Variants in ANKAR observed in about 807,000 individuals in gnomAD.
ANKAR encodes the protein ankyrin and armadillo repeat containing.
Under a neutral mutation model 146.2 loss-of-function variants are expected in ANKAR, and 136 were observed. The observed-to-expected ratio is 0.93, with a 90% CI of 0.81 to 1.07. ANKAR has a LOEUF of 1.07. ANKAR is among the 50% of genes least tolerant of loss of function. The pLI is 0.00. For synonymous variants in ANKAR, 500 were observed against 575.8 expected, an observed-to-expected ratio of 0.87 and a Z score of 1.88; for missense variants, 1,567 against 1,679.9, an observed-to-expected ratio of 0.93 and a Z score of 1.18.
In ANKAR at chr2:189,722,338, C is replaced by CAAA. The variant is rs10687526; in HGVS notation, c.2635+1560_2635+1562dup. On this transcript the variant is annotated intron_variant, in intron 12 of 22. Transcript: ENST00000684021. Reference sequence around the variant, plus strand: ...TGGGCAACAGAGCGAGACTCCATCTCAAAAAAAAAAAGGAAAAAAGAATAG... The same window carrying CAAA: ...TGGGCAACAGAGCGAGACTCCATCTCAAAAAAAAAAAAAAGGAAAAAAGAATAG... 1.9e-4 allele frequency among the ~76,000 whole-genome samples: 24 copies of CAAA among 128,428 alleles called. 5 individuals carry two copies. The highest frequency in any genetic ancestry group is 3.2e-4 in the Admixed American group (4 of 12,368). The allele number at this position is 128,428 out of a possible 152,430, so 84.3% of individuals were successfully genotyped here.
At chr2:189,690,159 C>T (rs1442995818) in intron 3 of ANKAR, among the ~76,000 whole-genome samples, 195 bp downstream of exon 3, 1 of 151,900 alleles carries the variant, frequency 6.6e-6, no homozygotes, top group East Asian at 1.9e-4. Flanking sequence ...TATATTTATA[C>T]CAATTATAAG....
At chr2:189,729,751 C>CT (rs1299771697) in intron 15 of ANKAR, among the ~76,000 whole-genome samples, 4 of 61,254 alleles carry the variant, frequency 6.5e-5, no homozygotes, top group African/African-American at 1.5e-4. Context: ...CAAAGGTGTT[C>CT]TTTTTTCCTT....
intron 9 of ANKAR, 119 bp from the exon 10 acceptor site, chr2:189,710,930 G>T: frequency 1.4e-6 from 1 of 729,192 alleles, no homozygotes; most frequent in Non-Finnish European, 2.4e-6. Flanking sequence ...CATGCAGTTG[G>T]TGGTAATAGT....
intron 2 of ANKAR, among the ~76,000 whole-genome samples, chr2:189,682,338 C>A (rs2034839541): frequency 6.6e-6 from 1 of 152,064 alleles, no homozygotes; most frequent in African/African-American, 2.4e-5. Flanking sequence ...AGCATTACAC[C>A]TAGTAGAAAT....
Position 189,757,410 on chromosome 2 carries a change from G to A in ANKAR, c.*585-3688G>A, listed in dbSNP as rs539094604. 3.9e-5 allele frequency among the ~76,000 whole-genome samples: 6 copies of A among 152,284 alleles called. No homozygotes were observed. The East Asian group carries it at 9.6e-4, about 24-fold the overall frequency. On this transcript the variant is annotated intron_variant and NMD_transcript_variant, in intron 18 of 18. Transcript: ENST00000441800. ...GCTGTTTCACAATGATCTGCTTACT[G>A]TCTTCTTCATTTTTACTGATGGTAG...
downstream of ANKAR, chr2:189,746,748 G>A (rs80306810): frequency 2.6e-3 from 2,559 of 973,056 alleles, 53 homozygotes; most frequent in African/African-American, 0.039. Flanking sequence ...TCTTGATCTC[G>A]ATACTAAGCA....
At chr2:189,708,259 C>T (rs1464355322) in intron 9 of ANKAR, among the ~76,000 whole-genome samples, 1 of 152,152 alleles carries the variant, frequency 6.6e-6, no homozygotes, top group Non-Finnish European at 1.5e-5. Context: ...CAGTACAGTA[C>T]AAAAAGATAT....
chr2:189,730,631 G>T, intron 16 of ANKAR, 30 bp downstream of exon 16: 1 of 1,189,686 alleles, frequency 8.4e-7, no homozygotes. Context: ...TTTCTGATAT[G>T]GTAAAAATTA....
At chr2:189,675,117 A>G (rs2033322188) in intron 1 of ANKAR, among the ~76,000 whole-genome samples, 1 of 152,136 alleles carries the variant, frequency 6.6e-6, no homozygotes, top group South Asian at 2.1e-4. Flanking sequence ...TGGCCCCACT[A>G]CAGCTCATTG....
At chr2:189,748,018 A>G (rs576919927), downstream of ANKAR, among the ~76,000 whole-genome samples, 4 of 152,066 alleles carry the variant, frequency 2.6e-5, no homozygotes, top group Non-Finnish European at 5.9e-5. Flanking sequence ...CCTTTTCTCC[A>G]TCCACTTGCT....
At chr2:189,681,525 G>A (rs1452010147) in intron 2 of ANKAR, among the ~76,000 whole-genome samples, 1 of 152,164 alleles carries the variant, frequency 6.6e-6, no homozygotes, top group Non-Finnish European at 1.5e-5. Context: ...AGTTGTAGGT[G>A]GAAACAGAGA....
intron 11 of ANKAR, among the ~76,000 whole-genome samples, chr2:189,720,146 T>G (rs938716624): frequency 1.3e-5 from 2 of 152,236 alleles, no homozygotes; most frequent in African/African-American, 4.8e-5. Context: ...GATAGCTATA[T>G]TAACTGTCAC....
In ANKAR at chr2:189,743,471, T is replaced by G. The variant is rs1358044406; in HGVS notation, c.4007T>G (p.Leu1336Ter). The G allele has an allele frequency of 6.2e-7, 1 of 1,612,350 alleles. No individual in the cohort carries two copies. Among genetic ancestry groups the G allele is most frequent in the Non-Finnish European group, 8.5e-7 (1 of 1,178,950 alleles). ...MQQTLVGLPS[L>*]SLEKNGGPSI... Reference sequence around the variant, plus strand: ...CAAACACTGGTGGGACTTCCTTCCTTAAGGTATGGTCCTATGTTAGAAGTT... The same window carrying G: ...CAAACACTGGTGGGACTTCCTTCCTGAAGGTATGGTCCTATGTTAGAAGTT... Residue 1336 changes from leucine (L) to a stop codon, truncating the protein, a stop_gained, in exon 21 of 23, where the codon TTA (leucine) becomes TGA (stop). Transcript: ENST00000684021. LOFTEE classifies it high-confidence loss of function.
chr2:189,746,383 A>C lies in ANKAR; in HGVS notation c.4061A>C (p.Lys1354Thr), dbSNP rs906005920. ...TTTAATTGTGGCTAATTTTTAGGGAAGGAGCACCGAAGAAAATTAAAACCT... is the reference window on the plus strand; with the variant it reads ...TTTAATTGTGGCTAATTTTTAGGGACGGAGCACCGAAGAAAATTAAAACCT... ...PSIIPIFKRG[K>T]EHRRKLKPKI... Residue 1354 changes from lysine (K) to threonine (T), a missense_variant, in exon 23 of 23, where the codon AAG becomes ACG. Transcript: ENST00000684021. The C allele has an allele frequency of 1.9e-6, 3 of 1,602,374 alleles. No individual in the cohort carries two copies. The highest frequency in any genetic ancestry group is 2.5e-6 in the Non-Finnish European group (3 of 1,176,732).
At chr2:189,706,076 G>T (rs2038899525) in intron 8 of ANKAR, among the ~76,000 whole-genome samples, 1 of 151,524 alleles carries the variant, frequency 6.6e-6, no homozygotes, top group Non-Finnish European at 1.5e-5. Context: ...GGCAACTCCT[G>T]CTTTCACCAT....
rs189776040 is a variant in ANKAR, at chr2:189,753,963, G to C, written c.*585-7135G>C. 95 of 1,613,744 alleles carry C rather than the reference G, an allele frequency of 5.9e-5. No homozygotes were observed. In the African/African-American group the frequency reaches 1.1e-3, roughly 19 times the overall value. ...AACAAGTCTCTCTGCTTACAAAACA[G>C]AATAGCCCGATGTGTTCTTTTCACA... On this transcript the variant is annotated intron_variant and NMD_transcript_variant, in intron 18 of 18. Transcript: ENST00000441800.
chr2:189,736,110 A>G (rs748278116), intron 17 of ANKAR, among the ~76,000 whole-genome samples: 8 of 152,238 alleles, frequency 5.3e-5, no homozygotes, highest in Non-Finnish European at 8.8e-5. Flanking sequence ...CTGAACTGGG[A>G]ATAGCCAACT....
At chr2:189,701,948 G>A (rs2038128507) in intron 7 of ANKAR, among the ~76,000 whole-genome samples, 2 of 152,088 alleles carry the variant, frequency 1.3e-5, no homozygotes, top group South Asian at 2.1e-4. Context: ...GGTAAGGTAT[G>A]GGGGGAGAAG....
intron 7 of ANKAR, 49 bp from the exon 8 acceptor site, chr2:189,704,974 T>A (rs1361697105): frequency 4.5e-6 from 7 of 1,563,328 alleles, no homozygotes; most frequent in Admixed American, 1.7e-5. Context: ...AGGTTTTTTT[T>A]AGGAATGGTA....
Sources: gnomAD v4.1 joint callset for allele counts (sites outside exome capture counted in the v4.1 genomes callset) on GRCh38, gnomAD v4.1.1 for gene constraint, MANE v1.5 for transcripts, NCBI Gene and HGNC (gene_info 2026-07-23, HGNC 2026-07-21) for gene names.